Variants in NEGR1 observed in about 807,000 individuals in gnomAD.
NEGR1 encodes the protein neuronal growth regulator 1, also known as IgLON family member 4.
NEGR1 carries 10 observed loss-of-function variants against 40.9 expected under a neutral mutation model. The ratio of observed to expected loss-of-function variants is 0.24; its 90% CI spans 0.15 to 0.42. The LOEUF is 0.42. NEGR1 is among the 10% of genes least tolerant of loss of function. The pLI, the probability that NEGR1 is intolerant of heterozygous loss-of-function variation, is 1.00. For missense variants in NEGR1, 352 were observed against 438.9 expected (o/e 0.80, Z 1.77); for synonymous variants, 185 against 166.8 (o/e 1.11, Z -0.84).
rs546788147 is a variant in NEGR1 at position 71,976,026 on chromosome 1, G to A, written c.177-40715C>T. Among the ~76,000 whole-genome samples, 480 of 152,232 alleles carry A rather than the reference G, an allele frequency of 3.2e-3. 6 individuals carry two copies. Among genetic ancestry groups the A allele is most frequent in the Non-Finnish European group, 4.0e-3 (274 of 68,006 alleles). On this transcript the variant is annotated intron_variant, in intron 1 of 6. Transcript: ENST00000357731. The stretch of plus-strand genomic sequence containing the variant: ...CCAATGCTTCACATTTCATAAATCC[G>A]CGATAAACATGATTTTTTAACAAAC...
chr1:72,243,144 C>T (rs1408725361), intron 1 of NEGR1, among the ~76,000 whole-genome samples: 1 of 151,250 alleles, frequency 6.6e-6, no homozygotes, highest in Non-Finnish European at 1.5e-5. Flanking sequence ...TTTAATAATT[C>T]AATTGTATTA....
intron 1 of NEGR1, among the ~76,000 whole-genome samples, chr1:72,048,664 G>C (rs1012955699): frequency 3.3e-5 from 5 of 151,446 alleles, no homozygotes; most frequent in African/African-American, 1.2e-4. Flanking sequence ...ATCTAATAAG[G>C]AATAATACTA....
chr1:71,974,890 C>T (rs563770619), intron 1 of NEGR1, among the ~76,000 whole-genome samples: 1 of 152,012 alleles, frequency 6.6e-6, no homozygotes. Flanking sequence ...TTAACTAACT[C>T]GAGAATAGCA....
intron 1 of NEGR1, among the ~76,000 whole-genome samples, chr1:72,007,473 C>G (rs1399578212): frequency 6.6e-6 from 1 of 151,922 alleles, no homozygotes; most frequent in African/African-American, 2.4e-5. Flanking sequence ...ACTTGGTTGG[C>G]AGCAGGGGAA....
chr1:72,164,113 G>A lies in NEGR1; in HGVS notation c.176+118206C>T, dbSNP rs912116623. Among the ~76,000 whole-genome samples, 3 of 151,858 alleles carry A rather than the reference G, an allele frequency of 2.0e-5. No homozygotes were observed. In the South Asian group the frequency reaches 6.2e-4, roughly 32 times the overall value. On this transcript the variant is annotated intron_variant, in intron 1 of 6. Transcript: ENST00000357731. ...GTTTTCAGGTCACTGAGAAAAGTAT[G>A]CAGACTATGGAAACAAAAGTTCCTT...
intron 4 of NEGR1, among the ~76,000 whole-genome samples, chr1:71,641,893 A>G (rs1391224652): frequency 6.6e-6 from 1 of 151,996 alleles, no homozygotes; most frequent in Non-Finnish European, 1.5e-5. Flanking sequence ...AACAAGAAGC[A>G]CCAGATTTAC....
At chr1:71,750,795 C>CT (rs1206220391) in intron 3 of NEGR1, among the ~76,000 whole-genome samples, 6 of 152,000 alleles carry the variant, frequency 3.9e-5, no homozygotes, top group African/African-American at 1.4e-4. Context: ...TTTTAAGAAG[C>CT]TTTTTTATTT....
At chr1:71,429,079 T>C (rs1450736959) in intron 6 of NEGR1, among the ~76,000 whole-genome samples, 1 of 152,190 alleles carries the variant, frequency 6.6e-6, no homozygotes, top group African/African-American at 2.4e-5. Flanking sequence ...AATTTTTTAG[T>C]TCTTTGATTA....
chr1:71,720,564 C>T (rs574802858), intron 3 of NEGR1, among the ~76,000 whole-genome samples: 2 of 152,222 alleles, frequency 1.3e-5, no homozygotes, highest in African/African-American at 4.8e-5. Context: ...CACATATAAA[C>T]CTGTTGGTAC....
rs1646246654 is a variant in NEGR1 at position 71,401,535 on chromosome 1, T to A, written c.*5911A>T. On this transcript the variant is annotated 3_prime_UTR_variant, in exon 7 of 7. Coordinates refer to ENST00000357731, the MANE Select transcript of NEGR1 (RefSeq NM_173808.3). ...ACAAATGTATTTCTTAGGTTGCATA[T>A]CATTTAATTTCTAGAATTAGAATCT... The A allele has an allele frequency of 1.3e-5, 2 of 152,216 alleles. No individual in the cohort carries two copies. The highest frequency in any genetic ancestry group is 2.9e-5 in the Non-Finnish European group (2 of 68,042). The allele number at this position is 152,216 out of a possible 1,614,324, so 9.4% of individuals were successfully genotyped here.
chr1:72,020,224 A>C (rs939787378), intron 1 of NEGR1, among the ~76,000 whole-genome samples: 1 of 152,200 alleles, frequency 6.6e-6, no homozygotes, highest in Admixed American at 6.5e-5. Flanking sequence ...TCAGAGGCCA[A>C]TATTACAAGA....
At chr1:72,123,434 G>A (rs1162247219) in intron 1 of NEGR1, among the ~76,000 whole-genome samples, 1 of 151,694 alleles carries the variant, frequency 6.6e-6, no homozygotes, top group Non-Finnish European at 1.5e-5. Flanking sequence ...CTTTAAAAAT[G>A]TTCCAGGATC....
At position 71,852,306 on chromosome 1, in the gene NEGR1, T is replaced by A. The variant is rs552341725; in HGVS notation, c.410-76009A>T. ...AGTTGACAAGCCGGCAGCTTGCTTTTCATATTCTGTCAGAACTGTGTGAGA... is the reference window on the plus strand; with the variant it reads ...AGTTGACAAGCCGGCAGCTTGCTTTACATATTCTGTCAGAACTGTGTGAGA... On this transcript the variant is annotated intron_variant, in intron 2 of 6. Coordinates refer to ENST00000357731, the MANE Select transcript of NEGR1 (RefSeq NM_173808.3). Among the ~76,000 whole-genome samples the A allele has an allele frequency of 3.9e-5, 6 of 152,294 alleles. No homozygotes were observed. The East Asian group carries it at 9.6e-4, about 24-fold the overall frequency.
rs5775112 is a variant in NEGR1, at chr1:72,254,700, TAAA to T, written c.176+27616_176+27618del. Among the ~76,000 whole-genome samples the T allele has an allele frequency of 4.3e-3, 454 of 106,556 alleles. 4 individuals are homozygous for T. The highest frequency in any genetic ancestry group is 0.015 in the African/African-American group (421 of 28,644). The allele number at this position is 106,556 out of a possible 152,430, so 69.9% of individuals were successfully genotyped here. A position where few individuals can be genotyped will look rare whatever the true frequency, so the allele number is the denominator to read the frequency against. ...CTGGGCAACACAGCGAGACTCTGTCTAAAAAAAAAAAAAAAAAAAGCATTTTAT... is the reference window on the plus strand; with the variant it reads ...CTGGGCAACACAGCGAGACTCTGTCTAAAAAAAAAAAAAAAAGCATTTTAT... On this transcript the variant is annotated intron_variant, in intron 1 of 6. Transcript: ENST00000357731.
intron 2 of NEGR1, among the ~76,000 whole-genome samples, chr1:71,851,925 G>T (rs557792530): frequency 1.3e-5 from 2 of 152,196 alleles, no homozygotes; most frequent in East Asian, 3.9e-4. Flanking sequence ...GGTAAAAATA[G>T]TTCCTTTTAC....
intron 2 of NEGR1, among the ~76,000 whole-genome samples, chr1:71,917,472 A>T (rs1408910331): frequency 2.6e-5 from 4 of 151,988 alleles, no homozygotes; most frequent in Non-Finnish European, 5.9e-5. Context: ...GGCCATATCA[A>T]TTTTTTTTAA....
intron 2 of NEGR1, among the ~76,000 whole-genome samples, chr1:71,903,002 T>G (rs1021531699): frequency 2.6e-5 from 4 of 152,002 alleles, no homozygotes; most frequent in Non-Finnish European, 5.9e-5. Flanking sequence ...TGAAATGCTA[T>G]TAACCCTCTT....
At chr1:72,016,487 A>T (rs1465689177) in intron 1 of NEGR1, among the ~76,000 whole-genome samples, 4 of 152,156 alleles carry the variant, frequency 2.6e-5, no homozygotes, top group Non-Finnish European at 4.4e-5. Flanking sequence ...AGGACCAGAC[A>T]ACCACCCAAG....
intron 2 of NEGR1, among the ~76,000 whole-genome samples, chr1:71,857,652 A>G (rs1659822706): frequency 6.7e-6 from 1 of 149,034 alleles, no homozygotes; most frequent in African/African-American, 2.5e-5. Flanking sequence ...AAAAAAAAAA[A>G]AAAATTGAAC....
Sources: allele counts gnomAD v4.1 joint callset (sites outside exome capture counted in the v4.1 genomes callset), GRCh38; gene constraint gnomAD v4.1.1; transcripts MANE v1.5; gene names NCBI Gene and HGNC (gene_info 2026-07-23, HGNC 2026-07-21).